The following ERC2 variants were observed in gnomAD, a reference collection of about 807,000 sequenced individuals.
ERC2 encodes ERC protein 2.
A neutral mutation model predicts 114.8 loss-of-function variants in ERC2; 42 were observed. The ratio of observed to expected loss-of-function variants is 0.37; its 90% CI spans 0.29 to 0.47. The LOEUF (loss-of-function observed/expected upper bound fraction) is 0.47. Ranked by LOEUF, ERC2 falls within the 20% of genes least tolerant of loss-of-function variation. ERC2 has a pLI of 0.99. For missense variants in ERC2, 939 were observed against 1,150.7 expected, an observed-to-expected ratio of 0.82 and a Z score of 2.66; for synonymous variants, 454 against 425.5, an observed-to-expected ratio of 1.07 and a Z score of -0.82.
intron 13 of ERC2, among the ~76,000 whole-genome samples, chr3:55,915,573 A>G (rs886833641): frequency 2.0e-5 from 3 of 152,194 alleles, no homozygotes; most frequent in African/African-American, 7.2e-5. Flanking sequence ...TGAAAGACAC[A>G]TGACATTTGA....
At chr3:55,555,010 G>A (rs2055499416) in intron 17 of ERC2, among the ~76,000 whole-genome samples, 1 of 152,162 alleles carries the variant, frequency 6.6e-6, no homozygotes, top group Non-Finnish European at 1.5e-5. Context: ...CAGCGATTCT[G>A]AGGATCCCAT....
At chr3:55,879,333 A>G (rs2063016017) in intron 14 of ERC2, among the ~76,000 whole-genome samples, 1 of 152,102 alleles carries the variant, frequency 6.6e-6, no homozygotes, top group Non-Finnish European at 1.5e-5. Flanking sequence ...TTGCACTAAA[A>G]GAAAAATCTT....
chr3:55,957,739 G>C (rs200401579), intron 12 of ERC2, among the ~76,000 whole-genome samples: 69 of 152,212 alleles, frequency 4.5e-4, no homozygotes, highest in East Asian at 3.1e-3. Context: ...AGGAGGGGGG[G>C]GCAGCTCCAG....
At chr3:56,160,652 T>A (rs1020603944) in intron 4 of ERC2, among the ~76,000 whole-genome samples, 2 of 152,202 alleles carry the variant, frequency 1.3e-5, no homozygotes, top group African/African-American at 4.8e-5. Context: ...TTAAGCTTTA[T>A]ACATATAGTG....
chr3:55,730,255 CT>C (rs2065175027), intron 15 of ERC2, among the ~76,000 whole-genome samples: 1 of 152,148 alleles, frequency 6.6e-6, no homozygotes, highest in Non-Finnish European at 1.5e-5. Flanking sequence ...GTCTCTTGGA[CT>C]TTGGTTTAAT....
chr3:56,273,452 C>T (rs1234594610), intron 3 of ERC2, among the ~76,000 whole-genome samples: 1 of 151,892 alleles, frequency 6.6e-6, no homozygotes, highest in Non-Finnish European at 1.5e-5. Context: ...CCCATGTTGC[C>T]CAGGCTGGTC....
chr3:56,080,859 CAT>C lies in ERC2; in HGVS notation c.1597_1598del (p.Met533ValfsTer16). ...TGATTTTTCTTTCCTTCACTTCTAACATATCTTTCATGTCACGAATTTCACCG... is the reference window on the plus strand; with the variant it reads ...TGATTTTTCTTTCCTTCACTTCTAACATCTTTCATGTCACGAATTTCACCG... Reference protein sequence around the residue: ...LAGEIRDMKDMLEVKERKINV... With the variant: ...LAGEIRDMKDXLEVKERKINV... On this transcript the variant is annotated frameshift_variant, in exon 7 of 18. Transcript: ENST00000288221. LOFTEE classifies it high-confidence loss of function. 6.2e-7 allele frequency: 1 copy of C among 1,613,742 alleles called. No homozygotes were observed. Among genetic ancestry groups the C allele is most frequent in the Non-Finnish European group, 8.5e-7 (1 of 1,179,742 alleles).
intron 14 of ERC2, among the ~76,000 whole-genome samples, chr3:55,870,603 A>C (rs1461205594): frequency 1.3e-5 from 2 of 152,056 alleles, no homozygotes. Flanking sequence ...CAAGATTCAA[A>C]TCCAAGTCAT....
chr3:56,328,006 C>T (rs1576450194), intron 2 of ERC2, among the ~76,000 whole-genome samples: 1 of 152,160 alleles, frequency 6.6e-6, no homozygotes, highest in African/African-American at 2.4e-5. Context: ...TAAGGTCTAG[C>T]CTTCATCTTC....
At chr3:56,151,449 T>C (rs1312983953) in intron 4 of ERC2, among the ~76,000 whole-genome samples, 1 of 152,020 alleles carries the variant, frequency 6.6e-6, no homozygotes, top group Non-Finnish European at 1.5e-5. Context: ...GAAAAGTAGG[T>C]AGGAGAATAT....
chr3:56,222,711 C>A (rs2049995837), intron 3 of ERC2, among the ~76,000 whole-genome samples: 1 of 152,168 alleles, frequency 6.6e-6, no homozygotes, highest in African/African-American at 2.4e-5. Context: ...AAATGCTCAA[C>A]AAATATTGAA....
chr3:55,654,521 A>G (rs1275568768), intron 17 of ERC2, among the ~76,000 whole-genome samples: 1 of 152,230 alleles, frequency 6.6e-6, no homozygotes, highest in Non-Finnish European at 1.5e-5. Context: ...GATATAAAAC[A>G]ATTTGAACCA....
chr3:56,261,193 T>C (rs2052899675), intron 3 of ERC2, among the ~76,000 whole-genome samples: 2 of 152,212 alleles, frequency 1.3e-5, no homozygotes, highest in Admixed American at 1.3e-4. Flanking sequence ...ATCCTTCAAG[T>C]CTCAGCTTAA....
intron 17 of ERC2, among the ~76,000 whole-genome samples, chr3:55,602,514 C>T (rs1488289801): frequency 6.6e-6 from 1 of 152,178 alleles, no homozygotes; most frequent in Non-Finnish European, 1.5e-5. Flanking sequence ...TAGGACAGTG[C>T]ATCTACTATT....
intron 17 of ERC2, among the ~76,000 whole-genome samples, chr3:55,679,407 A>G (rs2061956241): frequency 2.0e-5 from 3 of 152,160 alleles, no homozygotes. Context: ...TAGGTTCCTC[A>G]AGTTAATCTC....
intron 14 of ERC2, among the ~76,000 whole-genome samples, chr3:55,858,773 A>C (rs1575881430): frequency 6.6e-6 from 1 of 152,214 alleles, no homozygotes; most frequent in Non-Finnish European, 1.5e-5. Context: ...CAGAGTAGGC[A>C]GGGTCCGGGC....
At chr3:55,644,366 A>T (rs2060306617) in intron 17 of ERC2, among the ~76,000 whole-genome samples, 2 of 152,232 alleles carry the variant, frequency 1.3e-5, no homozygotes, top group African/African-American at 4.8e-5. Context: ...TTATTAAGAA[A>T]AAAATGTGGC....
At chr3:55,636,382 C>T (rs975619864) in intron 17 of ERC2, among the ~76,000 whole-genome samples, 3 of 152,028 alleles carry the variant, frequency 2.0e-5, no homozygotes, top group Non-Finnish European at 4.4e-5. Flanking sequence ...AAATCATTCA[C>T]GTTCCCTCAG....
At chr3:56,286,183 G>A (rs926393658) in intron 3 of ERC2, among the ~76,000 whole-genome samples, 1 of 152,142 alleles carries the variant, frequency 6.6e-6, no homozygotes, top group African/African-American at 2.4e-5. Flanking sequence ...GGAGGCCGAG[G>A]CGGGTGGATC....
Sources: allele counts gnomAD v4.1 joint callset (sites outside exome capture counted in the v4.1 genomes callset), GRCh38; gene constraint gnomAD v4.1.1; transcripts MANE v1.5; gene names NCBI Gene and HGNC (gene_info 2026-07-23, HGNC 2026-07-21).